RAPGEF1: variants seen among roughly 807,000 people sequenced by gnomAD.
RAPGEF1 encodes the protein CRK SH3-binding GNRP.
RAPGEF1 carries 33 observed loss-of-function variants against 143.3 expected under a neutral mutation model. The ratio of observed to expected loss-of-function variants is 0.23; its 90% CI spans 0.17 to 0.31. RAPGEF1 has a LOEUF of 0.31. RAPGEF1 is among the 10% of genes least tolerant of loss of function. RAPGEF1 has a pLI of 1.00. For missense variants in RAPGEF1, 1,199 were observed against 1,645.4 expected, an observed-to-expected ratio of 0.73 and a Z score of 4.69; for synonymous variants, 629 against 676.5, an observed-to-expected ratio of 0.93 and a Z score of 1.09.
intron 1 of RAPGEF1, among the ~76,000 whole-genome samples, chr9:131,681,312 A>C (rs1262617660): frequency 6.6e-6 from 1 of 152,126 alleles, no homozygotes; most frequent in Non-Finnish European, 1.5e-5. Flanking sequence ...ACCTCGAGCG[A>C]CCACTCTTAA....
chr9:131,695,695 A>C (rs1421079776), intron 1 of RAPGEF1, among the ~76,000 whole-genome samples: 3 of 152,210 alleles, frequency 2.0e-5, no homozygotes, highest in Admixed American at 6.5e-5. Context: ...AACTGTCCAT[A>C]TGCAGCCATC....
At chr9:131,607,459 TG>T (rs965024802) in intron 12 of RAPGEF1, among the ~76,000 whole-genome samples, 1 of 152,182 alleles carries the variant, frequency 6.6e-6, no homozygotes, top group Non-Finnish European at 1.5e-5. Flanking sequence ...CTTGGCTTTC[TG>T]GGTTTTCCAT....
chr9:131,594,736 C>T (rs559712288), intron 17 of RAPGEF1, among the ~76,000 whole-genome samples: 1 of 152,348 alleles, frequency 6.6e-6, no homozygotes, highest in East Asian at 1.9e-4. Flanking sequence ...AAAGCTCCCA[C>T]CGGCACGGAG....
At position 131,650,008 on chromosome 9, in the gene RAPGEF1, G is replaced by A. The variant is rs576886686; in HGVS notation, c.315+121C>T. The A allele has an allele frequency of 3.5e-4, 266 of 752,442 alleles. No homozygotes were observed. In the African/African-American group the frequency reaches 4.0e-3, roughly 11 times the overall value. The allele number at this position is 752,442 out of a possible 1,614,324, so 46.6% of individuals were successfully genotyped here. On this transcript the variant is annotated intron_variant, in intron 3 of 26. Transcript: ENST00000683357. This position sits in a 1 kb window ranked among gnomAD's most constrained non-coding sequence, Gnocchi z 4.7. ...CTCTTTCCTGAACAATTCAGCCCAC[G>A]GTCACCACCCAGTTGAACATAATAA...
At chr9:131,646,128 T>G (rs1969529886) in intron 3 of RAPGEF1, among the ~76,000 whole-genome samples, 1 of 152,170 alleles carries the variant, frequency 6.6e-6, no homozygotes, top group South Asian at 2.1e-4. Flanking sequence ...CCCACTGTGC[T>G]ATGGATTTTA....
intron 1 of RAPGEF1, among the ~76,000 whole-genome samples, chr9:131,717,227 T>A (rs1835924510): frequency 6.6e-6 from 1 of 152,192 alleles, no homozygotes; most frequent in African/African-American, 2.4e-5. Context: ...ACAGAGCCAC[T>A]CACTGCTGAT....
At chr9:131,658,007 C>T (rs748526467) in intron 1 of RAPGEF1, among the ~76,000 whole-genome samples, 4 of 152,164 alleles carry the variant, frequency 2.6e-5, no homozygotes, top group African/African-American at 7.2e-5. Context: ...TGAGAAATTC[C>T]GTAGATTCCA....
intron 1 of RAPGEF1, among the ~76,000 whole-genome samples, chr9:131,695,885 G>T (rs192567831): frequency 2.6e-5 from 4 of 152,352 alleles, no homozygotes; most frequent in Non-Finnish European, 5.9e-5. Flanking sequence ...AGGCAAGCAG[G>T]CATTCTTTAG....
chr9:131,683,586 G>A (rs184306310), intron 1 of RAPGEF1, among the ~76,000 whole-genome samples: 1 of 152,360 alleles, frequency 6.6e-6, no homozygotes, highest in East Asian at 1.9e-4. Flanking sequence ...GAGCAAGACT[G>A]TGAACGGTTT....
At position 131,584,533 on chromosome 9, in the gene RAPGEF1, G is replaced by T; in HGVS notation, c.3297C>A (p.Phe1099Leu). ...AQDRERLLLKFIKIMKHLRKL... is the reference protein window; with the variant it reads ...AQDRERLLLKLIKIMKHLRKL... ...CCACCATTACCTTCATGATCTTGAT[G>T]AACTTCAAGAGCAGCCGTTCCCTGT... Residue 1099 changes from phenylalanine to leucine, a missense_variant, in exon 23 of 27, where the codon TTC (phenylalanine) becomes TTA (leucine). Physicochemically the swap from Phe to Leu is conservative, Grantham distance 22. Around this residue, in one of 6 missense-constraint regions of RAPGEF1, gnomAD observed 209 missense variants for 403.0 expected, o/e 0.52. Transcript: ENST00000683357. The surrounding 1 kb of genome is among the most constrained non-coding windows in gnomAD (Gnocchi z 6.8). 6.2e-7 allele frequency: 1 copy of T among 1,614,034 alleles called. No homozygotes were observed. Among genetic ancestry groups the T allele is most frequent in the Non-Finnish European group, 8.5e-7 (1 of 1,179,898 alleles).
At chr9:131,700,849 G>C (rs1834586375) in intron 1 of RAPGEF1, among the ~76,000 whole-genome samples, 1 of 152,172 alleles carries the variant, frequency 6.6e-6, no homozygotes, top group Non-Finnish European at 1.5e-5. Context: ...CTTGTTCGTA[G>C]CCTGCAAGTG....
chr9:131,695,654 A>G (rs1433142903), intron 1 of RAPGEF1, among the ~76,000 whole-genome samples: 1 of 152,214 alleles, frequency 6.6e-6, no homozygotes, highest in Non-Finnish European at 1.5e-5. Flanking sequence ...TGGCTCACCC[A>G]GAAGAGGTGC....
At chr9:131,616,440 C>G (rs1484286241) in intron 12 of RAPGEF1, among the ~76,000 whole-genome samples, 2 of 152,170 alleles carry the variant, frequency 1.3e-5, no homozygotes, top group Non-Finnish European at 2.9e-5. Context: ...CTTTTGCAAC[C>G]CGGCCTGGAA....
chr9:131,643,122 T>G (rs1588700664), intron 4 of RAPGEF1, 117 bp downstream of exon 4: 2 of 1,159,774 alleles, frequency 1.7e-6, no homozygotes, highest in South Asian at 1.6e-5. Context: ...GGATGAGGGG[T>G]GATGGAGTCC....
intron 9 of RAPGEF1, among the ~76,000 whole-genome samples, chr9:131,626,766 T>C (rs1431599579): frequency 6.6e-6 from 1 of 152,218 alleles, no homozygotes; most frequent in African/African-American, 2.4e-5. Flanking sequence ...TTTGAAGTAT[T>C]TCCTTAAATG....
intron 17 of RAPGEF1, 98 bp downstream of exon 17, chr9:131,596,200 G>T: frequency 8.6e-7 from 1 of 1,156,466 alleles, no homozygotes. Context: ...GACCTGCTCA[G>T]GGCTGTGGCT....
intron 12 of RAPGEF1, among the ~76,000 whole-genome samples, 158 bp downstream of exon 12, chr9:131,618,893 C>T (rs1025598270): frequency 6.6e-6 from 1 of 152,240 alleles, no homozygotes; most frequent in Non-Finnish European, 1.5e-5. Context: ...TTTAAGGCCC[C>T]AGAGAACCAA....
At chr9:131,686,637 G>A (rs1245576872) in intron 1 of RAPGEF1, among the ~76,000 whole-genome samples, 1 of 152,140 alleles carries the variant, frequency 6.6e-6, no homozygotes, top group Non-Finnish European at 1.5e-5. Context: ...GGGTAATGAG[G>A]CCAGAGCTCT....
intron 1 of RAPGEF1, among the ~76,000 whole-genome samples, chr9:131,733,546 A>G (rs1313517373): frequency 6.6e-6 from 1 of 152,172 alleles, no homozygotes; most frequent in East Asian, 1.9e-4. Context: ...ACCAGAAACT[A>G]AGATGACTGG....
Sources: allele counts gnomAD v4.1 joint callset (sites outside exome capture counted in the v4.1 genomes callset), GRCh38; gene constraint gnomAD v4.1.1; regional missense constraint gnomAD v4.1.1; non-coding constraint Gnocchi (gnomAD v3.1); transcripts MANE v1.5; gene names NCBI Gene and HGNC (gene_info 2026-07-23, HGNC 2026-07-21).